R3HDM1: variants seen among roughly 807,000 people sequenced by gnomAD.
R3HDM1 encodes R3H domain containing 1.
In R3HDM1, 46 loss-of-function variants were observed where a neutral mutation model predicts 141.1. The observed-to-expected ratio is 0.33, with a 90% CI of 0.26 to 0.42. R3HDM1 has a LOEUF of 0.42. Ranked by LOEUF, R3HDM1 falls within the 10% of genes least tolerant of loss-of-function variation. The pLI is 1.00. For synonymous variants in R3HDM1, 435 were observed against 472.9 expected (o/e 0.92, Z 1.04); for missense variants, 1,184 against 1,368.3 (o/e 0.87, Z 2.12).
chr2:135,564,122 T>C (rs970043721), intron 1 of R3HDM1, among the ~76,000 whole-genome samples: 2 of 152,070 alleles, frequency 1.3e-5, no homozygotes, highest in Non-Finnish European at 2.9e-5. Context: ...ACCTCCAACA[T>C]TGGGGATTAC....
chr2:135,722,560 C>T lies in R3HDM1; in HGVS notation c.3049+7C>T, dbSNP rs372791488. 4.3e-6 allele frequency: 7 copies of T among 1,610,220 alleles called. No individual in the cohort carries two copies. In the African/African-American group the frequency reaches 6.7e-5, roughly 15 times the overall value. On this transcript the variant is annotated splice_region_variant and intron_variant, in intron 26 of 26. Transcript: ENST00000683871. ...CTTGGAGCAGGAGAAACAGGTATGT[C>T]TCTGAGGGGCAACTAGATGTGGGTC... is the stretch of plus-strand genomic sequence containing the variant.
intron 1 of R3HDM1, among the ~76,000 whole-genome samples, chr2:135,539,098 T>C (rs1219789495): frequency 1.3e-5 from 2 of 152,228 alleles, no homozygotes; most frequent in East Asian, 1.9e-4. Context: ...CACATGACTC[T>C]GTCATCTTGA....
At chr2:135,605,081 A>C in intron 3 of R3HDM1, 65 bp downstream of exon 3, 1 of 1,331,270 alleles carries the variant, frequency 7.5e-7, no homozygotes, top group Non-Finnish European at 1.0e-6. Flanking sequence ...GTTTATTTTC[A>C]TACAAAACTC....
At position 135,619,662 on chromosome 2, in the gene R3HDM1, G is replaced by A. The variant is rs191554990; in HGVS notation, c.304-1832G>A. Reference sequence around the variant, plus strand: ...ATAAATTGCACCTGAGTGGAAATTGGAAAATAAATTATTTCTCATGAAAGG... The same window carrying A: ...ATAAATTGCACCTGAGTGGAAATTGAAAAATAAATTATTTCTCATGAAAGG... On this transcript the variant is annotated intron_variant, in intron 5 of 26. Coordinates refer to ENST00000683871, the MANE Select transcript of R3HDM1 (RefSeq NM_001378107.1). 3 of 824,888 alleles carry A rather than the reference G, an allele frequency of 3.6e-6. No individual in the cohort carries two copies. In the Admixed American group the frequency reaches 1.9e-4, roughly 51 times the overall value. 51.1% of individuals were successfully genotyped at this position (824,888 alleles called of 1,614,324 possible).
chr2:135,638,873 A>C, intron 13 of R3HDM1, 23 bp from the exon 14 acceptor site: 1 of 1,612,444 alleles, frequency 6.2e-7, no homozygotes, highest in Non-Finnish European at 8.5e-7. Context: ...TTAGCTTTTC[A>C]AGGTTTTATT....
chr2:135,651,600 CTGT>C (rs1400057917), intron 17 of R3HDM1, 127 bp from the exon 18 acceptor site: 19 of 1,298,014 alleles, frequency 1.5e-5, no homozygotes, highest in Non-Finnish European at 1.6e-5. Context: ...TACATAATTG[CTGT>C]TGTTGATATA....
chr2:135,654,938 G>C (rs2065641360), intron 18 of R3HDM1, among the ~76,000 whole-genome samples: 2 of 150,810 alleles, frequency 1.3e-5, no homozygotes. Flanking sequence ...AGTTCTTTAT[G>C]TATTCTGGAT....
chr2:135,545,243 C>T (rs994918856), intron 1 of R3HDM1, among the ~76,000 whole-genome samples: 1 of 152,140 alleles, frequency 6.6e-6, no homozygotes, highest in East Asian at 1.9e-4. Context: ...TTACTATGTG[C>T]CGTGTACTGC....
chr2:135,649,932 C>A lies in R3HDM1; in HGVS notation c.1654C>A (p.Pro552Thr). The change falls in exon 17 of 27, where the codon CCT becomes ACT. Residue 552 changes from proline to threonine, a missense_variant. Transcript: ENST00000683871. ...TCATCCTCTGCAGTCCTCTTCACAG[C>A]CTGTTCAGTACTCTACAGCCCCTTA... is the stretch of plus-strand genomic sequence containing the variant. ...PVHPLQSSSQPVQYSTAPYPS... is the reference protein window; with the variant it reads ...PVHPLQSSSQTVQYSTAPYPS... 1 of 1,292,738 alleles carries A rather than the reference C, an allele frequency of 7.7e-7. No individual in the cohort carries two copies. The highest frequency in any genetic ancestry group is 1.0e-6 in the Non-Finnish European group (1 of 982,968). 80.1% of individuals were successfully genotyped at this position (1,292,738 alleles called of 1,614,324 possible). A position where few individuals can be genotyped will look rare whatever the true frequency, so the allele number is the denominator to read the frequency against.
At chr2:135,643,348 C>T (rs1253807089) in intron 15 of R3HDM1, among the ~76,000 whole-genome samples, 1 of 151,380 alleles carries the variant, frequency 6.6e-6, no homozygotes, top group Non-Finnish European at 1.5e-5. Context: ...AGTACTTTTT[C>T]TGCTTGATAG....
intron 1 of R3HDM1, among the ~76,000 whole-genome samples, chr2:135,587,543 A>C (rs1308617454): frequency 6.6e-6 from 1 of 152,154 alleles, no homozygotes; most frequent in African/African-American, 2.4e-5. Flanking sequence ...TGAAAATATT[A>C]ATAGCTATTA....
chr2:135,549,561 C>CA (rs1236257586), intron 1 of R3HDM1, among the ~76,000 whole-genome samples: 3,752 of 66,962 alleles, frequency 0.056, 101 homozygotes, highest in Non-Finnish European at 0.078. Flanking sequence ...AACTCTGCCT[C>CA]AAAAAAAAAA....
At chr2:135,558,352 C>T (rs747460223) in intron 1 of R3HDM1, among the ~76,000 whole-genome samples, 1 of 152,158 alleles carries the variant, frequency 6.6e-6, no homozygotes, top group Non-Finnish European at 1.5e-5. Context: ...TTAGACAGCA[C>T]AACTATCTAA....
intron 1 of R3HDM1, among the ~76,000 whole-genome samples, chr2:135,578,978 T>C (rs1402232064): frequency 6.6e-6 from 1 of 152,212 alleles, no homozygotes; most frequent in Non-Finnish European, 1.5e-5. Flanking sequence ...AAATACATAA[T>C]ACAGATGTGT....
chr2:135,630,292 A>AAAC (rs2062551224), intron 7 of R3HDM1, among the ~76,000 whole-genome samples: 1 of 146,008 alleles, frequency 6.8e-6, no homozygotes, highest in Non-Finnish European at 1.5e-5. Flanking sequence ...AAAAAAAAAA[A>AAAC]AAAAAAAAAA....
At chr2:135,549,185 T>C (rs974076818) in intron 1 of R3HDM1, among the ~76,000 whole-genome samples, 4 of 152,218 alleles carry the variant, frequency 2.6e-5, no homozygotes, top group Admixed American at 6.5e-5. Flanking sequence ...TATATGCATA[T>C]GCAGCATATG....
intron 21 of R3HDM1, among the ~76,000 whole-genome samples, chr2:135,682,220 T>C (rs1054038418): frequency 6.6e-6 from 1 of 151,828 alleles, no homozygotes; most frequent in African/African-American, 2.4e-5. Flanking sequence ...GCCAAAGTCA[T>C]CATTTCTATG....
chr2:135,613,887 G>C (rs891360886), intron 3 of R3HDM1, among the ~76,000 whole-genome samples: 2 of 152,150 alleles, frequency 1.3e-5, no homozygotes, highest in African/African-American at 4.8e-5. Flanking sequence ...CAGTGGATGG[G>C]AATCTTGGGT....
intron 3 of R3HDM1, among the ~76,000 whole-genome samples, chr2:135,615,224 GCCTT>G (rs553562821): frequency 2.7e-4 from 41 of 150,524 alleles, no homozygotes; most frequent in South Asian, 1.9e-3. Context: ...TACAAGGAAG[GCCTT>G]TTTGAAATAA....
Sources: gnomAD v4.1 joint callset for allele counts (sites outside exome capture counted in the v4.1 genomes callset) on GRCh38, gnomAD v4.1.1 for gene constraint, MANE v1.5 for transcripts, NCBI Gene and HGNC (gene_info 2026-07-23, HGNC 2026-07-21) for gene names.